The following FBXW11 variants were observed in gnomAD, a reference collection of about 807,000 sequenced individuals.
FBXW11 encodes the protein F-box and WD repeat domain containing 11, also known as F-box/WD repeat-containing protein 11.
FBXW11 carries 19 observed loss-of-function variants against 77.6 expected under a neutral mutation model. That is an observed-to-expected ratio of 0.24 (90% confidence interval 0.17 to 0.36). FBXW11 has a LOEUF of 0.36. Ranked by LOEUF, FBXW11 falls within the 10% of genes least tolerant of loss-of-function variation. The probability of loss-of-function intolerance (pLI) is 1.00; values close to 1 mark genes in which losing one functional copy is unlikely to be tolerated. For synonymous variants in FBXW11, 235 were observed against 249.4 expected, an observed-to-expected ratio of 0.94 and a Z score of 0.54; for missense variants, 334 against 704.2, an observed-to-expected ratio of 0.47 and a Z score of 5.95.
In FBXW11 at chr5:172,006,598, A is replaced by T; in HGVS notation, c.-96T>A. The T allele has an allele frequency of 7.3e-7, 1 of 1,378,282 alleles. No individual in the cohort carries two copies. The highest frequency in any genetic ancestry group is 9.4e-7 in the Non-Finnish European group (1 of 1,064,792). The allele number at this position is 1,378,282 out of a possible 1,614,324, so 85.4% of individuals were successfully genotyped here. A position where few individuals can be genotyped will look rare whatever the true frequency, so the allele number is the denominator to read the frequency against. On this transcript the variant is annotated 5_prime_UTR_variant, in exon 1 of 14. Coordinates refer to ENST00000517395, the MANE Select transcript of FBXW11 (RefSeq NM_001378974.1). The stretch of plus-strand genomic sequence containing the variant: ...GGAGGCGGCAGAGGCGGAGGCGGCT[A>T]TCGCACCCACTCTAGCTGCCAGCCC...
At chr5:171,881,953 CT>C (rs1017840509) in intron 7 of FBXW11, among the ~76,000 whole-genome samples, 3 of 151,886 alleles carry the variant, frequency 2.0e-5, no homozygotes, top group East Asian at 1.9e-4. Context: ...AATCTGAGTG[CT>C]TTTTTTTCTA....
At chr5:171,936,473 G>A (rs1342654178) in intron 2 of FBXW11, among the ~76,000 whole-genome samples, 1 of 140,782 alleles carries the variant, frequency 7.1e-6, no homozygotes, top group African/African-American at 2.7e-5. Flanking sequence ...TCCAGCCTGG[G>A]CAACATAGTG....
At chr5:171,923,666 T>G (rs924078826) in intron 2 of FBXW11, among the ~76,000 whole-genome samples, 2 of 152,166 alleles carry the variant, frequency 1.3e-5, no homozygotes, top group African/African-American at 2.4e-5. Flanking sequence ...ACCAGCATTT[T>G]TTTTAAAACT....
At chr5:171,883,558 ATT>A (rs1758669578) in intron 7 of FBXW11, among the ~76,000 whole-genome samples, 1 of 152,192 alleles carries the variant, frequency 6.6e-6, no homozygotes, top group Admixed American at 6.5e-5. Context: ...AAATCTCCAC[ATT>A]GTTTTCCATA....
At chr5:171,952,449 T>TATATATATATATATATA (rs1561716455) in intron 2 of FBXW11, among the ~76,000 whole-genome samples, 1 of 10,932 alleles carries the variant, frequency 9.1e-5, no homozygotes, top group Non-Finnish European at 3.2e-4. Flanking sequence ...ATATATATAT[T>TATATATATATATATATA]TTTTTTTTTT....
At chr5:171,973,935 G>A (rs77032093) in intron 1 of FBXW11, among the ~76,000 whole-genome samples, 2,295 of 152,176 alleles carry the variant, frequency 0.015, 50 homozygotes, top group South Asian at 0.11. Context: ...TGCAAATAAT[G>A]GAATGATATA....
At chr5:171,914,546 C>T (rs1381759241) in intron 2 of FBXW11, 141 bp from the exon 3 acceptor site, 3 of 592,560 alleles carry the variant, frequency 5.1e-6, no homozygotes, top group Admixed American at 4.0e-5. Flanking sequence ...TAACACATGC[C>T]ATTTTGGGTC....
At position 171,945,666 on chromosome 5, in the gene FBXW11, A is replaced by G. The variant is rs562061327; in HGVS notation, c.147+11931T>C. ...ACTAATGGTTCTCTGCGAAGCACTC[A>G]CTATTTCACTATTGCAAGTAGAAAC... On this transcript the variant is annotated intron_variant, in intron 2 of 13. Coordinates refer to ENST00000517395, the MANE Select transcript of FBXW11 (RefSeq NM_001378974.1). 5.9e-5 allele frequency among the ~76,000 whole-genome samples: 9 copies of G among 152,298 alleles called. 1 individual carries two copies. The South Asian group carries it at 1.9e-3, about 32-fold the overall frequency.
At position 171,993,603 on chromosome 5, in the gene FBXW11, ACT is replaced by A. The variant is rs531042255; in HGVS notation, c.45+12853_45+12854del. On this transcript the variant is annotated intron_variant, in intron 1 of 13. Coordinates refer to ENST00000517395, the MANE Select transcript of FBXW11 (RefSeq NM_001378974.1). Reference sequence around the variant, plus strand: ...ACTCCAGCCTGGTGACAGAGCGAAGACTCTGTCTCAAAAAAAAAGAAAAGAAA... The same window carrying A: ...ACTCCAGCCTGGTGACAGAGCGAAGACTGTCTCAAAAAAAAAGAAAAGAAA... Among the ~76,000 whole-genome samples, 299 of 151,932 alleles carry A rather than the reference ACT, an allele frequency of 2.0e-3. 1 individual carries two copies. The highest frequency in any genetic ancestry group is 3.4e-3 in the Middle Eastern group (1 of 294).
intron 2 of FBXW11, among the ~76,000 whole-genome samples, chr5:171,920,027 A>G (rs991871500): frequency 2.0e-5 from 3 of 152,084 alleles, no homozygotes; most frequent in African/African-American, 4.8e-5. Context: ...ATGGTGGCAC[A>G]TGCCTGTAGT....
At chr5:171,956,862 G>C (rs1763639175) in intron 2 of FBXW11, among the ~76,000 whole-genome samples, 1 of 152,176 alleles carries the variant, frequency 6.6e-6, no homozygotes, top group African/African-American at 2.4e-5. Context: ...CAGAAATAAA[G>C]CTACAATGTT....
intron 6 of FBXW11, among the ~76,000 whole-genome samples, chr5:171,894,258 G>C (rs1759589027): frequency 6.6e-6 from 1 of 152,168 alleles, no homozygotes; most frequent in Non-Finnish European, 1.5e-5. Flanking sequence ...TAGGGAACAG[G>C]ACCTCTCAAA....
chr5:172,001,620 G>T (rs954406446), intron 1 of FBXW11, among the ~76,000 whole-genome samples: 2 of 152,190 alleles, frequency 1.3e-5, no homozygotes, highest in Admixed American at 1.3e-4. Context: ...AAGTGCTACA[G>T]GATAAATACA....
intron 7 of FBXW11, among the ~76,000 whole-genome samples, chr5:171,881,725 G>A (rs1470603083): frequency 6.6e-6 from 1 of 152,166 alleles, no homozygotes; most frequent in East Asian, 1.9e-4. Context: ...GTTTTGGAAA[G>A]TAATTAATTA....
chr5:171,925,963 AAAGC>A (rs1357396060), intron 2 of FBXW11, among the ~76,000 whole-genome samples: 2 of 152,224 alleles, frequency 1.3e-5, no homozygotes, highest in African/African-American at 4.8e-5. Flanking sequence ...AAGTGGGAAA[AAAGC>A]AAGTCACAAT....
chr5:171,896,873 G>A (rs1046799291), intron 6 of FBXW11, among the ~76,000 whole-genome samples: 8 of 152,106 alleles, frequency 5.3e-5, no homozygotes, highest in African/African-American at 1.2e-4. Context: ...AGCCAAGCCC[G>A]TGAGAGGCTC....
At chr5:171,913,024 C>T (rs915867936) in intron 3 of FBXW11, among the ~76,000 whole-genome samples, 16 of 151,836 alleles carry the variant, frequency 1.1e-4, no homozygotes, top group African/African-American at 3.6e-4. Context: ...TAATTCATGA[C>T]AAGGGGAACA....
At chr5:171,877,979 CAAGTT>C (rs1561639277) in intron 8 of FBXW11, 27 bp downstream of exon 8, 3 of 1,509,192 alleles carry the variant, frequency 2.0e-6, no homozygotes, top group Admixed American at 1.7e-5. Context: ...GGAAGGCTTA[CAAGTT>C]AAGAACAATG....
chr5:171,917,764 CTCTGTG>C (rs995468333), intron 2 of FBXW11, among the ~76,000 whole-genome samples: 7 of 65,674 alleles, frequency 1.1e-4, no homozygotes, highest in African/African-American at 3.1e-4. Flanking sequence ...TCTAGACTCA[CTCTGTG>C]TGTGTGTGTG....
Sources: allele counts gnomAD v4.1 joint callset (sites outside exome capture counted in the v4.1 genomes callset), GRCh38; gene constraint gnomAD v4.1.1; transcripts MANE v1.5; gene names NCBI Gene and HGNC (gene_info 2026-07-23, HGNC 2026-07-21).